ARHGEF26: variants seen among roughly 807,000 people sequenced by gnomAD.
ARHGEF26 encodes Rho guanine nucleotide exchange factor (GEF) 26.
A neutral mutation model predicts 89.4 loss-of-function variants in ARHGEF26; 59 were observed. That is an observed-to-expected ratio of 0.66 (90% CI 0.54 to 0.82). The LOEUF (loss-of-function observed/expected upper bound fraction) is 0.82. Among genes scored for constraint, ARHGEF26 ranks in the 40% least tolerant of loss-of-function variants. The pLI is 0.00. For synonymous variants in ARHGEF26, 500 were observed against 428.4 expected, an observed-to-expected ratio of 1.17 and a Z score of -2.06; for missense variants, 1,234 against 1,085.6, an observed-to-expected ratio of 1.14 and a Z score of -1.92.
intron 12 of ARHGEF26, among the ~76,000 whole-genome samples, chr3:154,248,942 G>C (rs952815973): frequency 3.1e-4 from 47 of 152,008 alleles, no homozygotes; most frequent in African/African-American, 1.1e-3. Flanking sequence ...TAGTTGAATT[G>C]AGTTTGTGAG....
chr3:154,226,660 T>TACACACACAC (rs3029724), intron 11 of ARHGEF26, among the ~76,000 whole-genome samples: 3,312 of 148,106 alleles, frequency 0.022, 50 homozygotes, highest in South Asian at 0.053. Context: ...GTTTCTGTTC[T>TACACACACAC]ACACACACAC....
chr3:154,203,268 G>A (rs566953813), intron 9 of ARHGEF26, among the ~76,000 whole-genome samples: 1 of 152,172 alleles, frequency 6.6e-6, no homozygotes, highest in African/African-American at 2.4e-5. Context: ...TATGGTTTTT[G>A]TCTTTGGTTC....
Position 154,122,399 on chromosome 3 carries a change from C to T in ARHGEF26, c.407C>T (p.Pro136Leu), listed in dbSNP as rs1718012223. 6.2e-7 allele frequency: 1 copy of T among 1,610,056 alleles called. No homozygotes were observed. Among genetic ancestry groups the T allele is most frequent in the Admixed American group, 1.7e-5 (1 of 59,902 alleles). Residue 136 changes from proline (P) to leucine (L), a missense_variant, in exon 2 of 15, where the codon CCT becomes CTT. Physicochemically the swap from Pro to Leu is moderately conservative, Grantham distance 98. Coordinates refer to ENST00000465093, the MANE Select transcript of ARHGEF26 (RefSeq NM_015595.4). ...KSPANGAVTL[P>L]APPPPPVLRP... is the part of the protein sequence containing the mutation. ...CCAGCAAATGGCGCGGTGACCTTGC[C>T]TGCGCCGCCGCCGCCGCCGGTTCTG...
chr3:154,142,682 T>C (rs1719453043), intron 4 of ARHGEF26, among the ~76,000 whole-genome samples: 1 of 152,180 alleles, frequency 6.6e-6, no homozygotes, highest in Non-Finnish European at 1.5e-5. Flanking sequence ...AACTAATATA[T>C]TGGCATCACC....
At chr3:154,242,176 A>G (rs1236838392) in intron 12 of ARHGEF26, among the ~76,000 whole-genome samples, 1 of 152,212 alleles carries the variant, frequency 6.6e-6, no homozygotes, top group Admixed American at 6.5e-5. Context: ...CACCAAGGTA[A>G]TGAAAAAAGA....
chr3:154,208,407 G>A (rs1287070842), intron 9 of ARHGEF26, among the ~76,000 whole-genome samples: 1 of 152,084 alleles, frequency 6.6e-6, no homozygotes, highest in Admixed American at 6.6e-5. Flanking sequence ...ATTATTAAAT[G>A]CCTTGAGGTA....
At chr3:154,207,171 A>G (rs1715069922) in intron 9 of ARHGEF26, among the ~76,000 whole-genome samples, 1 of 152,218 alleles carries the variant, frequency 6.6e-6, no homozygotes, top group Non-Finnish European at 1.5e-5. Flanking sequence ...AAACCTGGTC[A>G]TACCATTCGG....
intron 9 of ARHGEF26, among the ~76,000 whole-genome samples, chr3:154,202,569 T>A (rs929206691): frequency 2.0e-5 from 3 of 152,202 alleles, no homozygotes; most frequent in Non-Finnish European, 4.4e-5. Context: ...GGGGATGGCA[T>A]TGAATCTATG....
chr3:154,132,385 T>C (rs1718734316), intron 4 of ARHGEF26, among the ~76,000 whole-genome samples: 1 of 152,156 alleles, frequency 6.6e-6, no homozygotes, highest in African/African-American at 2.4e-5. Context: ...TCCCCAGAGA[T>C]AACCACTATC....
intron 11 of ARHGEF26, among the ~76,000 whole-genome samples, chr3:154,227,382 G>A (rs1716558763): frequency 6.8e-6 from 1 of 148,124 alleles, no homozygotes; most frequent in South Asian, 2.1e-4. Flanking sequence ...TGCAGGCTCC[G>A]CCTCCCGGGT....
chr3:154,136,713 C>A (rs1405829774), intron 4 of ARHGEF26, among the ~76,000 whole-genome samples: 1 of 152,052 alleles, frequency 6.6e-6, no homozygotes, highest in African/African-American at 2.4e-5. Flanking sequence ...TATTCTTTTC[C>A]CTAAATTTTC....
chr3:154,236,937 A>G (rs1408016419), intron 11 of ARHGEF26, among the ~76,000 whole-genome samples: 1 of 152,184 alleles, frequency 6.6e-6, no homozygotes, highest in African/African-American at 2.4e-5. Flanking sequence ...TGTTTCCTGC[A>G]TTTTGTTTTG....
chr3:154,144,254 C>T (rs1719566754), intron 4 of ARHGEF26, among the ~76,000 whole-genome samples: 1 of 152,132 alleles, frequency 6.6e-6, no homozygotes, highest in Non-Finnish European at 1.5e-5. Flanking sequence ...CAGGCCGGCC[C>T]AAGTTTGAAT....
chr3:154,202,877 A>G (rs566026992), intron 9 of ARHGEF26, among the ~76,000 whole-genome samples: 10 of 152,194 alleles, frequency 6.6e-5, no homozygotes, highest in Admixed American at 2.0e-4. Flanking sequence ...GAAGTTGCCT[A>G]TCAGCTTAAG....
rs115194290 is a variant in ARHGEF26 at position 154,245,022 on chromosome 3, T to C, written c.2300+4443T>C. ...TAGAATTTTTTAAGTCCAAAGACTTTATTATTTTTTATTTTATTTTATTAA... is the reference window on the plus strand; with the variant it reads ...TAGAATTTTTTAAGTCCAAAGACTTCATTATTTTTTATTTTATTTTATTAA... On this transcript the variant is annotated intron_variant, in intron 12 of 14. Transcript: ENST00000465093. 6.8e-3 allele frequency among the ~76,000 whole-genome samples: 1,038 copies of C among 152,218 alleles called. 14 individuals are homozygous for C. Among genetic ancestry groups the C allele is most frequent in the African/African-American group, 0.023 (949 of 41,528 alleles).
At position 154,187,631 on chromosome 3, in the gene ARHGEF26, T is replaced by C. The variant is rs530204792; in HGVS notation, c.1488-54T>C. 675 of 1,445,932 alleles carry C rather than the reference T, an allele frequency of 4.7e-4. 2 individuals carry two copies. Among genetic ancestry groups the C allele is most frequent in the Non-Finnish European group, 6.0e-4 (646 of 1,070,922 alleles). The allele number at this position is 1,445,932 out of a possible 1,614,324, so 89.6% of individuals were successfully genotyped here. A position where few individuals can be genotyped will look rare whatever the true frequency, so the allele number is the denominator to read the frequency against. ...AACATTACATGAGGCTAATCTGTTA[T>C]CTGTTAGAGTGTATGAAAGAAGTGT... On this transcript the variant is annotated intron_variant, in intron 6 of 14. Coordinates refer to ENST00000465093, the MANE Select transcript of ARHGEF26 (RefSeq NM_015595.4).
chr3:154,211,892 A>G (rs1414983097), intron 9 of ARHGEF26, among the ~76,000 whole-genome samples: 1 of 132,268 alleles, frequency 7.6e-6, no homozygotes. Flanking sequence ...TGTGTATTTT[A>G]TTGATATGTA....
chr3:154,182,049 G>GTA (rs1054217011), intron 6 of ARHGEF26, among the ~76,000 whole-genome samples: 2 of 150,876 alleles, frequency 1.3e-5, no homozygotes, highest in African/African-American at 4.9e-5. Flanking sequence ...GTGTGTGTGT[G>GTA]TATATATACA....
At chr3:154,243,954 GA>G (rs1368525484) in intron 12 of ARHGEF26, among the ~76,000 whole-genome samples, 1 of 152,184 alleles carries the variant, frequency 6.6e-6, no homozygotes, top group Non-Finnish European at 1.5e-5. Flanking sequence ...TGAGCAATTA[GA>G]GTTTTGATAT....
Sources: gnomAD v4.1 joint callset for allele counts (sites outside exome capture counted in the v4.1 genomes callset) on GRCh38, gnomAD v4.1.1 for gene constraint, MANE v1.5 for transcripts, NCBI Gene and HGNC (gene_info 2026-07-23, HGNC 2026-07-21) for gene names.